Variants in SLC1A7 observed in about 807,000 individuals in gnomAD.
The protein encoded by SLC1A7 is excitatory amino acid transporter 5.
A neutral mutation model predicts 47.7 loss-of-function variants in SLC1A7; 40 were observed. The ratio of observed to expected loss-of-function variants is 0.84; its 90% CI spans 0.65 to 1.09. The LOEUF is 1.09. SLC1A7 is among the 50% of genes least tolerant of loss of function. The pLI is 0.00. For synonymous variants in SLC1A7, 323 were observed against 325.6 expected, an observed-to-expected ratio of 0.99 and a Z score of 0.09; for missense variants, 746 against 769.5, an observed-to-expected ratio of 0.97 and a Z score of 0.36.
At chr1:53,095,881 A>T (rs1443754554) in intron 5 of SLC1A7, among the ~76,000 whole-genome samples, 1 of 147,712 alleles carries the variant, frequency 6.8e-6, no homozygotes, top group East Asian at 2.0e-4. Flanking sequence ...ACCTTGGTAC[A>T]TTCACATCGC....
At chr1:53,113,355 G>A (rs890337481) in intron 3 of SLC1A7, among the ~76,000 whole-genome samples, 2 of 151,936 alleles carry the variant, frequency 1.3e-5, no homozygotes, top group Non-Finnish European at 2.9e-5. Context: ...CCAAACCTCC[G>A]TCTCCAGCTT....
rs1644944264 is a variant in SLC1A7 at position 53,131,824 on chromosome 1, C to T, written c.215+2526G>A. The stretch of plus-strand genomic sequence containing the variant: ...CCCAGTGGATAAAGAAACCAGTTAA[C>T]AAGTGAATGCATATAGAATGACAAC... On this transcript the variant is annotated intron_variant, in intron 2 of 10. Coordinates refer to ENST00000371494, the MANE Select transcript of SLC1A7 (RefSeq NM_006671.6). 2.0e-5 allele frequency among the ~76,000 whole-genome samples: 3 copies of T among 152,180 alleles called. No homozygotes were observed. The South Asian group carries it at 6.2e-4, about 32-fold the overall frequency.
In SLC1A7 at chr1:53,088,208, G is replaced by T. The variant is rs1309634676; in HGVS notation, c.1484C>A (p.Thr495Asn). ...GATCTCCTGGAGGCTCACTGGCTTG[G>T]TCTCGCAGGGCAGCAGTTTCTGGTG... ...TGTEKLLPCE[T>N]KPVSLQEIVA... is the part of the protein sequence containing the mutation. Residue 495 changes from threonine (T) to asparagine (N), a missense_variant, in exon 11 of 11, where the codon ACC becomes AAC. Coordinates refer to ENST00000371494, the MANE Select transcript of SLC1A7 (RefSeq NM_006671.6). 2.5e-6 allele frequency: 4 copies of T among 1,610,470 alleles called. No individual in the cohort carries two copies. Among genetic ancestry groups the T allele is most frequent in the Non-Finnish European group, 8.5e-7 (1 of 1,178,010 alleles).
At position 53,090,785 on chromosome 1, in the gene SLC1A7, G is replaced by T. The variant is rs1487167308; in HGVS notation, c.1053C>A (p.Thr351=). ...GGTTGTTCTCCAGCAGGCACTTGAA[G>T]GTGATGGGCAGTGTGGCTGAGCTAC... is the stretch of plus-strand genomic sequence containing the variant. ...TSSSSATLPI[T]FKCLLENNHI... Residue 351 remains threonine, a synonymous_variant, in exon 8 of 11, where the codon ACC becomes ACA. Coordinates refer to ENST00000371494, the MANE Select transcript of SLC1A7 (RefSeq NM_006671.6). 6.2e-7 allele frequency: 1 copy of T among 1,612,730 alleles called. No homozygotes were observed.
intron 1 of SLC1A7, among the ~76,000 whole-genome samples, chr1:53,139,643 C>G (rs1572355761): frequency 6.6e-6 from 1 of 152,226 alleles, no homozygotes; most frequent in East Asian, 1.9e-4. Flanking sequence ...GTTCTGGAGT[C>G]TGCAAGACAA....
chr1:53,091,892 G>A (rs1289544107), intron 7 of SLC1A7, among the ~76,000 whole-genome samples: 2 of 152,252 alleles, frequency 1.3e-5, no homozygotes, highest in Middle Eastern at 3.4e-3. Context: ...CTCCACCAAC[G>A]ACATGGTTTG....
At chr1:53,113,269 C>T (rs1018336405) in intron 3 of SLC1A7, among the ~76,000 whole-genome samples, 1 of 152,058 alleles carries the variant, frequency 6.6e-6, no homozygotes, top group Admixed American at 6.5e-5. Context: ...CATCCCAATC[C>T]CTGCTCTCTC....
At chr1:53,095,363 T>C (rs1644473482) in intron 5 of SLC1A7, among the ~76,000 whole-genome samples, 1 of 151,982 alleles carries the variant, frequency 6.6e-6, no homozygotes, top group African/African-American at 2.4e-5. Flanking sequence ...CTGGCAGATG[T>C]GGGCACATAA....
At chr1:53,112,647 G>A (rs1644712369) in intron 3 of SLC1A7, among the ~76,000 whole-genome samples, 1 of 152,138 alleles carries the variant, frequency 6.6e-6, no homozygotes, top group Non-Finnish European at 1.5e-5. Flanking sequence ...AGGAATGTAG[G>A]GGCTGGTGCC....
At chr1:53,098,652 G>C (rs569362313) in intron 5 of SLC1A7, among the ~76,000 whole-genome samples, 1 of 143,990 alleles carries the variant, frequency 6.9e-6, no homozygotes. Flanking sequence ...ACACCACCTC[G>C]GTACACTCAC....
chr1:53,137,287 C>CAAAAAAAA lies in SLC1A7; in HGVS notation c.136-2866_136-2859dup, dbSNP rs60113708. Among the ~76,000 whole-genome samples the CAAAAAAAA allele has an allele frequency of 2.2e-4, 22 of 100,758 alleles. 3 individuals carry two copies. The highest frequency in any genetic ancestry group is 5.5e-4 in the East Asian group (2 of 3,624). The allele number at this position is 100,758 out of a possible 152,430, so 66.1% of individuals were successfully genotyped here. On this transcript the variant is annotated intron_variant, in intron 1 of 10. Coordinates refer to ENST00000371494, the MANE Select transcript of SLC1A7 (RefSeq NM_006671.6). ...GGGCAACAGAGGGAGACGCTATCTC[C>CAAAAAAAA]AAAAAAAAAAAAGTGCTCTACTGAT...
At chr1:53,121,125 C>T (rs543799234) in intron 2 of SLC1A7, among the ~76,000 whole-genome samples, 23 of 152,332 alleles carry the variant, frequency 1.5e-4, no homozygotes, top group African/African-American at 4.1e-4. Flanking sequence ...ACCACCTGTC[C>T]CAGCAGACTG....
At chr1:53,125,042 A>T (rs1466086451) in intron 2 of SLC1A7, among the ~76,000 whole-genome samples, 3 of 152,190 alleles carry the variant, frequency 2.0e-5, no homozygotes, top group Non-Finnish European at 4.4e-5. Context: ...TCGGGGAAGA[A>T]TGGGAAAGTA....
chr1:53,105,635 G>A (rs1339434712), intron 4 of SLC1A7, 97 bp downstream of exon 4: 2 of 967,054 alleles, frequency 2.1e-6, no homozygotes, highest in East Asian at 2.4e-5. Context: ...TGACTGGCCA[G>A]CACACCTGTC....
At chr1:53,090,471 A>C in intron 8 of SLC1A7, 141 bp downstream of exon 8, 1 of 1,314,786 alleles carries the variant, frequency 7.6e-7, no homozygotes, top group East Asian at 2.6e-5. Flanking sequence ...CCAGGCTCGG[A>C]GCTCCCAGCC....
chr1:53,121,680 C>A (rs565383992), intron 2 of SLC1A7, among the ~76,000 whole-genome samples: 9 of 152,344 alleles, frequency 5.9e-5, no homozygotes, highest in African/African-American at 2.2e-4. Flanking sequence ...CACAATGAGC[C>A]TGAACACAGA....
intron 4 of SLC1A7, 77 bp downstream of exon 4, chr1:53,105,655 C>T: frequency 8.9e-7 from 1 of 1,128,938 alleles, no homozygotes; most frequent in Non-Finnish European, 1.4e-6. Context: ...CACTTCCCAG[C>T]CATGCCACTA....
intron 2 of SLC1A7, among the ~76,000 whole-genome samples, chr1:53,126,934 C>G (rs1644888682): frequency 6.6e-6 from 1 of 151,924 alleles, no homozygotes; most frequent in East Asian, 1.9e-4. Context: ...ATGAACATGG[C>G]TCACTGCAGG....
In SLC1A7 at chr1:53,142,303, TG is replaced by T; in HGVS notation, c.135+11del. On this transcript the variant is annotated intron_variant, in intron 1 of 10. Coordinates refer to ENST00000371494, the MANE Select transcript of SLC1A7 (RefSeq NM_006671.6). ...CCTGGACAGGGGTCCCGAGATGCTC[TG>T]GGTGGCTGACCTGTGGTGAGAGGCG... 5 of 1,553,486 alleles carry T rather than the reference TG, an allele frequency of 3.2e-6. No homozygotes were observed. Among genetic ancestry groups the T allele is most frequent in the Non-Finnish European group, 4.4e-6 (5 of 1,148,026 alleles).
Sources: allele counts gnomAD v4.1 joint callset (sites outside exome capture counted in the v4.1 genomes callset), GRCh38; gene constraint gnomAD v4.1.1; transcripts MANE v1.5; gene names NCBI Gene and HGNC (gene_info 2026-07-23, HGNC 2026-07-21).